The following SNX10 variants were observed in gnomAD, a reference collection of about 807,000 sequenced individuals.
The protein encoded by SNX10 is sorting nexin 10, also known as sorting nexin-10.
SNX10 carries 25 observed loss-of-function variants against 28.5 expected under a neutral mutation model. The ratio of observed to expected loss-of-function variants is 0.88; its 90% CI spans 0.64 to 1.22. The LOEUF (loss-of-function observed/expected upper bound fraction) is 1.22. Ranked by LOEUF, SNX10 falls within the 50% of genes most tolerant of loss-of-function variation. The pLI is 0.00. For missense variants in SNX10, 223 were observed against 242.6 expected, an observed-to-expected ratio of 0.92 and a Z score of 0.54; for synonymous variants, 62 against 81.4, an observed-to-expected ratio of 0.76 and a Z score of 1.28.
At chr7:26,292,623 C>A (rs755996067) in intron 1 of SNX10, among the ~76,000 whole-genome samples, 1 of 152,058 alleles carries the variant, frequency 6.6e-6, no homozygotes, top group Admixed American at 6.6e-5. Flanking sequence ...AAAGCAACAG[C>A]CTGTTTTTCA....
chr7:26,327,231 G>A (rs1285100854), intron 1 of SNX10, among the ~76,000 whole-genome samples: 1 of 152,156 alleles, frequency 6.6e-6, no homozygotes, highest in Non-Finnish European at 1.5e-5. Flanking sequence ...GATTACAGGC[G>A]TGAACCACTG....
chr7:26,361,006 G>C lies in SNX10; in HGVS notation c.56G>C (p.Arg19Thr). The change falls in exon 3 of 7, where the codon AGG becomes ACG. Residue 19 changes from arginine (R) to threonine (T), a missense_variant. By Grantham distance (71) the Arg-to-Thr change is moderately conservative. Transcript: ENST00000338523. ...EFVSVWVRDPRIQKEDFWHSY... is the reference protein window; with the variant it reads ...EFVSVWVRDPTIQKEDFWHSY... ...GTAAGTGTCTGGGTTCGAGATCCTA[G>C]GATTCAGAAGGAGGACTTCTGGCAT... 1 of 1,612,212 alleles carries C rather than the reference G, an allele frequency of 6.2e-7. No homozygotes were observed. Among genetic ancestry groups the C allele is most frequent in the Non-Finnish European group, 8.5e-7 (1 of 1,178,912 alleles).
intron 1 of SNX10, among the ~76,000 whole-genome samples, chr7:26,325,503 G>A (rs1038268409): frequency 1.2e-4 from 18 of 149,488 alleles, no homozygotes; most frequent in Admixed American, 6.0e-4. Context: ...TGGTTGTGAC[G>A]GGGTTTCACC....
At chr7:26,355,449 T>C (rs1283031270) in intron 2 of SNX10, among the ~76,000 whole-genome samples, 2 of 152,232 alleles carry the variant, frequency 1.3e-5, no homozygotes, top group African/African-American at 4.8e-5. Context: ...TCTTCCAATT[T>C]ATGAACATAG....
chr7:26,299,357 A>G (rs1026768870), intron 1 of SNX10, among the ~76,000 whole-genome samples: 1 of 152,014 alleles, frequency 6.6e-6, no homozygotes. Context: ...CACCACACTC[A>G]GCTAATTTTT....
intron 1 of SNX10, among the ~76,000 whole-genome samples, chr7:26,340,527 G>A (rs1788140305): frequency 6.6e-6 from 1 of 152,220 alleles, no homozygotes; most frequent in African/African-American, 2.4e-5. Context: ...TTCCAAGGTA[G>A]AAAATAGAGG....
intron 1 of SNX10, 106 bp from the exon 2 acceptor site, chr7:26,346,314 G>A: frequency 1.3e-6 from 1 of 757,876 alleles, no homozygotes; most frequent in South Asian, 1.4e-5. Context: ...AGGGACTGTG[G>A]GGCGGGGGGG....
chr7:26,344,573 A>G (rs1344922952), intron 1 of SNX10, among the ~76,000 whole-genome samples: 1 of 152,124 alleles, frequency 6.6e-6, no homozygotes, highest in Admixed American at 6.5e-5. Flanking sequence ...CTCCAGGTTT[A>G]TCCCTGTTGT....
At chr7:26,318,257 C>T (rs1046789788) in intron 1 of SNX10, among the ~76,000 whole-genome samples, 3 of 151,850 alleles carry the variant, frequency 2.0e-5, no homozygotes, top group African/African-American at 4.8e-5. Flanking sequence ...GTGGTTATTT[C>T]TTATAGCTAA....
chr7:26,316,287 G>A (rs1352426395), intron 1 of SNX10, among the ~76,000 whole-genome samples: 3 of 152,022 alleles, frequency 2.0e-5, no homozygotes, highest in East Asian at 3.9e-4. Context: ...TAGTAAATTG[G>A]CTTAGAATCA....
At chr7:26,311,356 G>A (rs1176200477) in intron 1 of SNX10, among the ~76,000 whole-genome samples, 1 of 152,042 alleles carries the variant, frequency 6.6e-6, no homozygotes, top group African/African-American at 2.4e-5. Context: ...TCACTGTATT[G>A]CCCAGGCTGG....
chr7:26,343,560 ACTGCAC>A (rs1424615495), intron 1 of SNX10, among the ~76,000 whole-genome samples: 4 of 152,216 alleles, frequency 2.6e-5, no homozygotes, highest in Non-Finnish European at 5.9e-5. Flanking sequence ...GCACCAGGGG[ACTGCAC>A]AGCACGCGGT....
chr7:26,329,742 A>T (rs1191066419), intron 1 of SNX10, among the ~76,000 whole-genome samples: 1 of 152,230 alleles, frequency 6.6e-6, no homozygotes, highest in Non-Finnish European at 1.5e-5. Flanking sequence ...AGGAGGATGC[A>T]AACTAGTAAC....
At chr7:26,348,093 A>G (rs1788458610) in intron 2 of SNX10, among the ~76,000 whole-genome samples, 1 of 152,136 alleles carries the variant, frequency 6.6e-6, no homozygotes, top group South Asian at 2.1e-4. Flanking sequence ...ATGGATTTTT[A>G]TATACCTGTG....
chr7:26,324,651 G>A (rs922665287), intron 1 of SNX10, among the ~76,000 whole-genome samples: 16 of 152,198 alleles, frequency 1.1e-4, no homozygotes, highest in Non-Finnish European at 1.9e-4. Flanking sequence ...GTGAGCCACT[G>A]TGCCTGGCCT....
In SNX10 at chr7:26,346,437, C is replaced by G. The variant is rs756990479; in HGVS notation, c.-6C>G. 6.2e-7 allele frequency: 1 copy of G among 1,608,134 alleles called. No homozygotes were observed. Among genetic ancestry groups the G allele is most frequent in the South Asian group, 1.1e-5 (1 of 90,942 alleles). Reference sequence around the variant, plus strand: ...TTTTTCAGATTGATCGTGTCCTGTGCTGAAGATGTTTCCGGAACAACAGAA... The same window carrying G: ...TTTTTCAGATTGATCGTGTCCTGTGGTGAAGATGTTTCCGGAACAACAGAA... On this transcript the variant is annotated 5_prime_UTR_variant, in exon 2 of 7. Coordinates refer to ENST00000338523, the MANE Select transcript of SNX10 (RefSeq NM_013322.3).
chr7:26,313,777 G>C (rs1311524952), intron 1 of SNX10, among the ~76,000 whole-genome samples: 1 of 151,980 alleles, frequency 6.6e-6, no homozygotes, highest in Non-Finnish European at 1.5e-5. Context: ...GAAATCCTGA[G>C]TGCTGAAGAA....
chr7:26,321,132 T>G (rs1251121684), intron 1 of SNX10, among the ~76,000 whole-genome samples: 1 of 152,218 alleles, frequency 6.6e-6, no homozygotes, highest in Admixed American at 6.5e-5. Context: ...GTGTGAACAT[T>G]GGCCTGTTTC....
intron 1 of SNX10, among the ~76,000 whole-genome samples, chr7:26,299,842 G>T (rs560624218): frequency 1.3e-5 from 2 of 152,214 alleles, no homozygotes; most frequent in East Asian, 3.9e-4. Flanking sequence ...TGGGAGGATT[G>T]CTTGAGCCTG....
Sources: allele counts gnomAD v4.1 joint callset (sites outside exome capture counted in the v4.1 genomes callset), GRCh38; gene constraint gnomAD v4.1.1; transcripts MANE v1.5; gene names NCBI Gene and HGNC (gene_info 2026-07-23, HGNC 2026-07-21).